SPRR2F: variants seen among roughly 807,000 people sequenced by gnomAD.
The protein encoded by SPRR2F is small proline rich protein 2F, also known as small proline-rich protein 2F.
A neutral mutation model predicts 0.8 loss-of-function variants in SPRR2F; 2 were observed. That is an observed-to-expected ratio of 2.52 (90% confidence interval 1.03 to 7.95). The LOEUF (loss-of-function observed/expected upper bound fraction) is 7.95. SPRR2F is among the 30% of genes most tolerant of loss of function. The pLI, the probability that SPRR2F is intolerant of heterozygous loss-of-function variation, is 0.04. For synonymous variants in SPRR2F, 39 were observed against 33.4 expected (o/e 1.17, Z -0.58); for missense variants, 80 against 85.8 (o/e 0.93, Z 0.27).
At chr1:153,113,575 T>C (rs751509444), upstream of SPRR2F, 29 of 152,186 alleles carry the variant, frequency 1.9e-4, no homozygotes, top group Non-Finnish European at 2.4e-4. Flanking sequence ...GCAGAAAGTG[T>C]AACTGCCAAA....
At chr1:153,116,047 A>G (rs1228138057), upstream of SPRR2F, among the ~76,000 whole-genome samples, 1 of 152,224 alleles carries the variant, frequency 6.6e-6, no homozygotes. Flanking sequence ...TCAAACATGC[A>G]AGAAGAAACA....
chr1:153,112,734 C>G lies in SPRR2F; in HGVS notation c.-1G>C. Reference sequence around the variant, plus strand: ...TGCACTGCTGCTGTTGATAAGACATCCTGCTGGAGTCTCAGAATCTGAAAG... The same window carrying G: ...TGCACTGCTGCTGTTGATAAGACATGCTGCTGGAGTCTCAGAATCTGAAAG... On this transcript the variant is annotated 5_prime_UTR_variant, in exon 2 of 2. Transcript: ENST00000468739. The G allele has an allele frequency of 6.2e-7, 1 of 1,611,650 alleles. No individual in the cohort carries two copies. Among genetic ancestry groups the G allele is most frequent in the South Asian group, 1.1e-5 (1 of 90,982 alleles).
upstream of SPRR2F, among the ~76,000 whole-genome samples, chr1:153,117,822 C>A (rs1269306176): frequency 6.6e-6 from 1 of 151,952 alleles, no homozygotes; most frequent in Non-Finnish European, 1.5e-5. Context: ...AGTTGCCTCC[C>A]TTCACACACA....
At chr1:153,115,998 C>A (rs1206833630), upstream of SPRR2F, among the ~76,000 whole-genome samples, 1 of 152,108 alleles carries the variant, frequency 6.6e-6, no homozygotes, top group Non-Finnish European at 1.5e-5. Context: ...CATTTTACAC[C>A]ATTAAACAAA....
At chr1:153,115,697 C>T (rs990540177), upstream of SPRR2F, among the ~76,000 whole-genome samples, 1 of 152,020 alleles carries the variant, frequency 6.6e-6, no homozygotes, top group Admixed American at 6.6e-5. Flanking sequence ...ACACACATAC[C>T]CACCATGGGT....
Position 153,112,415 on chromosome 1 carries a change from T to C in SPRR2F, c.*100A>G. 1 of 1,522,372 alleles carries C rather than the reference T, an allele frequency of 6.6e-7. No homozygotes were observed. Among genetic ancestry groups the C allele is most frequent in the East Asian group, 2.3e-5 (1 of 44,098 alleles). The allele number at this position is 1,522,372 out of a possible 1,614,324, so 94.3% of individuals were successfully genotyped here. ...GCTAAGAGGAAAGAAGCTCCCTGTGTATCCCTGGATGGCTTTGATGAGAAG... is the reference window on the plus strand; with the variant it reads ...GCTAAGAGGAAAGAAGCTCCCTGTGCATCCCTGGATGGCTTTGATGAGAAG... On this transcript the variant is annotated 3_prime_UTR_variant, in exon 2 of 2. Coordinates refer to ENST00000468739, the MANE Select transcript of SPRR2F (RefSeq NM_001014450.3).
At chr1:153,117,097 A>G (rs146839935), upstream of SPRR2F, among the ~76,000 whole-genome samples, 48 of 152,184 alleles carry the variant, frequency 3.2e-4, no homozygotes, top group African/African-American at 1.1e-3. Flanking sequence ...TATTTGCTTT[A>G]TCTTTAAGAT....
At position 153,112,549 on chromosome 1, in the gene SPRR2F, G is replaced by C. The variant is rs1343135845; in HGVS notation, c.185C>G (p.Pro62Arg). 9 of 1,612,870 alleles carry C rather than the reference G, an allele frequency of 5.6e-6. No individual in the cohort carries two copies. The highest frequency in any genetic ancestry group is 3.3e-5 in the South Asian group (3 of 91,004). The change falls in exon 2 of 2, where the codon CCC becomes CGC. Residue 62 changes from proline (P) to arginine (R), a missense_variant. Pro to Arg is a moderately radical substitution (Grantham distance 103). Coordinates refer to ENST00000468739, the MANE Select transcript of SPRR2F (RefSeq NM_001014450.3). ...CTTGGGTGGACACTTTGGCTGGCAG[G>C]GTGGGGAAGGTGTCACAGGAGGACA... is the stretch of plus-strand genomic sequence containing the variant. ...QKCPPVTPSPPCQPKCPPKSK is the reference protein window; with the variant it reads ...QKCPPVTPSPRCQPKCPPKSK
At chr1:153,113,746 C>A (rs1655654218), upstream of SPRR2F, among the ~76,000 whole-genome samples, 1 of 152,246 alleles carries the variant, frequency 6.6e-6, no homozygotes, top group Non-Finnish European at 1.5e-5. Flanking sequence ...GTTTCAGTGA[C>A]CTATGGCAAA....
chr1:153,116,076 T>C (rs951709037), upstream of SPRR2F, among the ~76,000 whole-genome samples: 4 of 152,222 alleles, frequency 2.6e-5, no homozygotes, highest in Non-Finnish European at 4.4e-5. Flanking sequence ...GGGAAGATTT[T>C]CCTAGCCTTA....
At chr1:153,115,642 G>T (rs1441171936), upstream of SPRR2F, among the ~76,000 whole-genome samples, 3 of 152,080 alleles carry the variant, frequency 2.0e-5, no homozygotes, top group Admixed American at 6.6e-5. Flanking sequence ...CCCCAAGTTA[G>T]GACATCCAGG....
In SPRR2F at chr1:153,112,131, G is replaced by T; in HGVS notation, c.*384C>A. 1 of 306,320 alleles carries T rather than the reference G, an allele frequency of 3.3e-6. No individual in the cohort carries two copies. Among genetic ancestry groups the T allele is most frequent in the Non-Finnish European group, 6.0e-6 (1 of 166,672 alleles). The allele number at this position is 306,320 out of a possible 1,614,324, so 19.0% of individuals were successfully genotyped here. On this transcript the variant is annotated 3_prime_UTR_variant, in exon 2 of 2. Transcript: ENST00000468739. Reference sequence around the variant, plus strand: ...ATCCATTCACAAATATATATGCATAGATTCTTTATTCAGGGAGTGAAAGGA... The same window carrying T: ...ATCCATTCACAAATATATATGCATATATTCTTTATTCAGGGAGTGAAAGGA...
chr1:153,117,464 A>G (rs984106886), upstream of SPRR2F, among the ~76,000 whole-genome samples: 1 of 152,066 alleles, frequency 6.6e-6, no homozygotes, highest in Non-Finnish European at 1.5e-5. Flanking sequence ...AATCTAGTTT[A>G]CTATTACTAT....
chr1:153,112,752 T>C lies in SPRR2F; in HGVS notation c.-19A>G. On this transcript the variant is annotated splice_region_variant and 5_prime_UTR_variant, in exon 2 of 2. Coordinates refer to ENST00000468739, the MANE Select transcript of SPRR2F (RefSeq NM_001014450.3). The stretch of plus-strand genomic sequence containing the variant: ...AAGACATCCTGCTGGAGTCTCAGAA[T>C]CTGAAAGAAATTATATGACAGTGTT... 1 of 1,611,044 alleles carries C rather than the reference T, an allele frequency of 6.2e-7. No individual in the cohort carries two copies. Among genetic ancestry groups the C allele is most frequent in the Non-Finnish European group, 8.5e-7 (1 of 1,179,826 alleles).
At chr1:153,114,006 TTTTTTTTTTTTTTTTTG>T (rs1207257161), upstream of SPRR2F, among the ~76,000 whole-genome samples, 6 of 99,050 alleles carry the variant, frequency 6.1e-5, no homozygotes, top group Admixed American at 9.6e-5. Context: ...TTTTTTTTTT[TTTTTTTTTTTTTTTTTG>T]TTGCTAAGTT....
At chr1:153,118,049 G>C (rs186834970), upstream of SPRR2F, among the ~76,000 whole-genome samples, 27 of 152,102 alleles carry the variant, frequency 1.8e-4, no homozygotes, top group African/African-American at 6.5e-4. Flanking sequence ...ATGACTCCTA[G>C]AAATTCATGT....
chr1:153,118,264 T>C (rs910017841), upstream of SPRR2F, among the ~76,000 whole-genome samples: 2 of 152,034 alleles, frequency 1.3e-5, no homozygotes, highest in African/African-American at 2.4e-5. Context: ...AAAGACATGG[T>C]TGAATTTTAA....
At chr1:153,118,037 T>C (rs1571011253), upstream of SPRR2F, among the ~76,000 whole-genome samples, 1 of 152,078 alleles carries the variant, frequency 6.6e-6, no homozygotes, top group East Asian at 1.9e-4. Context: ...GCATCCATCA[T>C]CATGACTCCT....
upstream of SPRR2F, among the ~76,000 whole-genome samples, chr1:153,115,766 C>A (rs1015397397): frequency 2.0e-5 from 3 of 152,198 alleles, no homozygotes; most frequent in East Asian, 5.8e-4. Flanking sequence ...TCTATCTATC[C>A]ATCTACCTTT....
Sources: gnomAD v4.1 joint callset for allele counts (sites outside exome capture counted in the v4.1 genomes callset) on GRCh38, gnomAD v4.1.1 for gene constraint, MANE v1.5 for transcripts, NCBI Gene and HGNC (gene_info 2026-07-23, HGNC 2026-07-21) for gene names.